ULK4: variants seen among roughly 807,000 people sequenced by gnomAD.
ULK4 encodes the protein inactive serine/threonine-protein kinase ULK4.
A neutral mutation model predicts 160.6 loss-of-function variants in ULK4; 133 were observed. The ratio of observed to expected loss-of-function variants is 0.83; its 90% CI spans 0.72 to 0.96. The LOEUF is 0.96. Among genes scored for constraint, ULK4 ranks in the 40% least tolerant of loss-of-function variants. ULK4 has a pLI of 0.00. For missense variants in ULK4, 1,580 were observed against 1,499.5 expected (o/e 1.05, Z -0.89); for synonymous variants, 534 against 539.8 (o/e 0.99, Z 0.15).
chr3:41,737,275 G>C (rs1010164503), intron 22 of ULK4, among the ~76,000 whole-genome samples: 2 of 151,958 alleles, frequency 1.3e-5, no homozygotes, highest in African/African-American at 4.9e-5. Context: ...CTGCTTCAAA[G>C]AGAATAAAAT....
intron 27 of ULK4, among the ~76,000 whole-genome samples, chr3:41,692,494 A>G (rs1303719104): frequency 6.6e-6 from 1 of 151,846 alleles, no homozygotes; most frequent in Non-Finnish European, 1.5e-5. Flanking sequence ...GAATTTATAC[A>G]TATACGTTAT....
intron 32 of ULK4, among the ~76,000 whole-genome samples, chr3:41,502,968 T>TA (rs770138134): frequency 5.9e-5 from 9 of 152,016 alleles, no homozygotes; most frequent in African/African-American, 1.9e-4. Context: ...TTAATTGCTG[T>TA]AAAAAAAGAT....
At chr3:41,831,517 TTA>T (rs201753249) in intron 18 of ULK4, among the ~76,000 whole-genome samples, 1 of 132,646 alleles carries the variant, frequency 7.5e-6, no homozygotes. Flanking sequence ...TATTGTTATT[TTA>T]TATATATATA....
intron 32 of ULK4, among the ~76,000 whole-genome samples, chr3:41,555,082 CA>C (rs1216551973): frequency 6.6e-6 from 1 of 151,564 alleles, no homozygotes; most frequent in Non-Finnish European, 1.5e-5. Flanking sequence ...AAAAGAAGGA[CA>C]AAACAAACTC....
rs910234108 is a variant in ULK4 at position 41,858,811 on chromosome 3, CT to C, written c.1657-22841del. Among the ~76,000 whole-genome samples the C allele has an allele frequency of 3.1e-4, 45 of 145,176 alleles. 1 individual carries two copies. Among genetic ancestry groups the C allele is most frequent in the South Asian group, 1.1e-3 (5 of 4,520 alleles). The stretch of plus-strand genomic sequence containing the variant: ...TGAGCCACAGTTCCTGGCCCAAATT[CT>C]TTTTTCCCCCCCATAGAAAGCAGAA... On this transcript the variant is annotated intron_variant, in intron 17 of 36. Transcript: ENST00000301831.
chr3:41,654,169 A>G (rs988569082), intron 30 of ULK4, among the ~76,000 whole-genome samples: 6 of 152,242 alleles, frequency 3.9e-5, no homozygotes, highest in Non-Finnish European at 8.8e-5. Context: ...CATTGCAAAG[A>G]TAACATGTAT....
chr3:41,570,692 A>G (rs2087941250), intron 31 of ULK4, among the ~76,000 whole-genome samples: 1 of 152,192 alleles, frequency 6.6e-6, no homozygotes, highest in Admixed American at 6.5e-5. Context: ...CTCATTCTGA[A>G]GCCAATACTC....
intron 22 of ULK4, among the ~76,000 whole-genome samples, chr3:41,719,452 T>A (rs1043365418): frequency 6.6e-6 from 1 of 152,188 alleles, no homozygotes; most frequent in Non-Finnish European, 1.5e-5. Context: ...AAACTCTGTA[T>A]ATCCAAAATA....
At chr3:41,824,900 C>G (rs1438343113) in intron 18 of ULK4, among the ~76,000 whole-genome samples, 1 of 152,224 alleles carries the variant, frequency 6.6e-6, no homozygotes, top group Admixed American at 6.5e-5. Flanking sequence ...AATAGACTAA[C>G]TGGGAGGCAC....
intron 31 of ULK4, among the ~76,000 whole-genome samples, chr3:41,567,935 C>T (rs1273051533): frequency 3.3e-5 from 5 of 152,148 alleles, no homozygotes; most frequent in African/African-American, 4.8e-5. Context: ...TAACATCTTA[C>T]CCTAACCGTG....
intron 34 of ULK4, among the ~76,000 whole-genome samples, chr3:41,428,121 A>C (rs2082819340): frequency 6.6e-6 from 1 of 151,306 alleles, no homozygotes; most frequent in East Asian, 1.9e-4. Flanking sequence ...CTATACACCA[A>C]CAACAGGCAA....
At chr3:41,808,543 A>G (rs1280295151) in intron 19 of ULK4, among the ~76,000 whole-genome samples, 1 of 152,236 alleles carries the variant, frequency 6.6e-6, no homozygotes, top group Non-Finnish European at 1.5e-5. Flanking sequence ...ACTCTTTGGG[A>G]AAGATAACTG....
At chr3:41,919,383 C>G (rs1432980924) in intron 6 of ULK4, among the ~76,000 whole-genome samples, 1 of 152,142 alleles carries the variant, frequency 6.6e-6, no homozygotes, top group Non-Finnish European at 1.5e-5. Flanking sequence ...AGGCAGATCA[C>G]TTGAGGTCAG....
chr3:41,929,863 C>A (rs1056730859), intron 5 of ULK4, among the ~76,000 whole-genome samples: 4 of 152,102 alleles, frequency 2.6e-5, no homozygotes, highest in African/African-American at 9.7e-5. Flanking sequence ...GAAAAAAATT[C>A]TATCCTCATG....
At chr3:41,405,867 C>T (rs1580495) in intron 34 of ULK4, among the ~76,000 whole-genome samples, 87,766 of 151,818 alleles carry the variant, frequency 0.58, 27,010 homozygotes, top group African/African-American at 0.82. Context: ...AAGTTCTTTA[C>T]AGATTCTGGA....
At chr3:41,317,082 T>TTTTTTTG (rs2080158600) in intron 35 of ULK4, among the ~76,000 whole-genome samples, 1 of 139,198 alleles carries the variant, frequency 7.2e-6, no homozygotes, top group Non-Finnish European at 1.5e-5. Flanking sequence ...TTTTTTTTTT[T>TTTTTTTG]TTTTGAGACG....
intron 5 of ULK4, among the ~76,000 whole-genome samples, chr3:41,928,988 T>C (rs1716645): frequency 0.74 from 112,218 of 151,854 alleles, 42,787 homozygotes; most frequent in East Asian, 0.83. Context: ...ACTAACTCAT[T>C]TTATGAGGCC....
intron 35 of ULK4, among the ~76,000 whole-genome samples, chr3:41,279,749 A>C (rs1016601265): frequency 1.3e-5 from 2 of 152,224 alleles, no homozygotes; most frequent in Non-Finnish European, 2.9e-5. Context: ...CTTTACAAAC[A>C]AACAAATGCT....
chr3:41,677,425 G>A (rs990916304), intron 29 of ULK4, among the ~76,000 whole-genome samples: 11 of 149,418 alleles, frequency 7.4e-5, no homozygotes, highest in South Asian at 2.1e-4. Flanking sequence ...TCCACCTCCC[G>A]GGTTCATGCC....
Sources: gnomAD v4.1 joint callset for allele counts (sites outside exome capture counted in the v4.1 genomes callset) on GRCh38, gnomAD v4.1.1 for gene constraint, MANE v1.5 for transcripts, NCBI Gene and HGNC (gene_info 2026-07-23, HGNC 2026-07-21) for gene names.